Variants in CSF2RA observed in about 807,000 individuals in gnomAD.
The protein encoded by CSF2RA is colony stimulating factor 2 receptor subunit alpha, also known as granulocyte-macrophage colony-stimulating factor receptor subunit alpha.
In CSF2RA, 42 loss-of-function variants were observed where a neutral mutation model predicts 51.6. The ratio of observed to expected loss-of-function variants is 0.81; its 90% confidence interval spans 0.64 to 1.05. The LOEUF is 1.05. Among genes scored for constraint, CSF2RA ranks in the 50% least tolerant of loss-of-function variants. The pLI, the probability that CSF2RA is intolerant of heterozygous loss-of-function variation, is 0.00. For synonymous variants in CSF2RA, 222 were observed against 193.0 expected, an observed-to-expected ratio of 1.15 and a Z score of -1.24; for missense variants, 530 against 501.1, an observed-to-expected ratio of 1.06 and a Z score of -0.55.
At chrX:1,285,726 A>T in intron 3 of CSF2RA, 52 bp from the exon 4 acceptor site, 1 of 999,350 alleles carries the variant, frequency 1.0e-6, no homozygotes, top group Non-Finnish European at 1.4e-6. Flanking sequence ...AAAAAAAAAA[A>T]AAAAAGGAAA....
At chrX:1,314,984 GCACTGCA>G (rs2084505385), downstream of CSF2RA, among the ~76,000 whole-genome samples, 5 of 38,906 alleles carry the variant, frequency 1.3e-4, no homozygotes, top group African/African-American at 4.1e-4. Context: ...CTGCCCAATC[GCACTGCA>G]CCTGCCCAAC....
At chrX:1,301,152 C>A (rs28416644) in intron 10 of CSF2RA, among the ~76,000 whole-genome samples, 26 of 129,364 alleles carry the variant, frequency 2.0e-4, no homozygotes, top group Non-Finnish European at 2.3e-4. Context: ...GACTCCGTCT[C>A]AAAAAAAAAA....
chrX:1,286,293 G>C (rs1406118370), intron 4 of CSF2RA, among the ~76,000 whole-genome samples: 1 of 149,702 alleles, frequency 6.7e-6, no homozygotes, highest in East Asian at 2.0e-4. Flanking sequence ...ATAAGGCCGG[G>C]TGTGGTGGCT....
At chrX:1,271,135 C>T (rs186152935) in intron 1 of CSF2RA, among the ~76,000 whole-genome samples, 3 of 151,994 alleles carry the variant, frequency 2.0e-5, no homozygotes, top group Non-Finnish European at 2.9e-5. Flanking sequence ...GCTTGTTGCG[C>T]GTTTTATAGG....
chrX:1,281,462 CCTCCTTCTCCTCCTG>C (rs1274878524), intron 2 of CSF2RA, among the ~76,000 whole-genome samples: 5 of 143,332 alleles, frequency 3.5e-5, no homozygotes, highest in East Asian at 4.3e-4. Flanking sequence ...TTCTCCTCCT[CCTCCTTCTCCTCCTG>C]CTCCTTCTCC....
intron 9 of CSF2RA, among the ~76,000 whole-genome samples, chrX:1,296,224 G>A (rs755765603): frequency 6.9e-6 from 1 of 145,512 alleles, no homozygotes; most frequent in Admixed American, 6.9e-5. Flanking sequence ...ACCTCTGGCG[G>A]AACCCTACAC....
At chrX:1,322,656 G>C in the CSF2RA span, among the ~76,000 whole-genome samples, 2 of 151,660 alleles carry the variant, frequency 1.3e-5, no homozygotes, top group Admixed American at 1.3e-4. Context: ...CCCTGGCTCA[G>C]CTACTCAACA....
chrX:1,287,736 G>C (rs1172712423), intron 4 of CSF2RA, among the ~76,000 whole-genome samples: 1 of 113,456 alleles, frequency 8.8e-6, no homozygotes. Flanking sequence ...GAGCCACTAT[G>C]TCCGACCCTT....
At chrX:1,314,889 A>C (rs75837488), downstream of CSF2RA, among the ~76,000 whole-genome samples, 862 of 16,974 alleles carry the variant, frequency 0.051, 85 homozygotes, top group African/African-American at 0.14. Flanking sequence ...CTGCCCAACC[A>C]CACTGAACCT....
chrX:1,294,581 G>C, intron 8 of CSF2RA, 120 bp downstream of exon 8: 1 of 1,341,596 alleles, frequency 7.5e-7, no homozygotes, highest in Admixed American at 1.9e-5. Context: ...GGTGAGCGGT[G>C]ACTCTGGGGT....
intron 9 of CSF2RA, among the ~76,000 whole-genome samples, chrX:1,298,973 C>T (rs1399793324): frequency 6.6e-6 from 1 of 152,132 alleles, no homozygotes; most frequent in African/African-American, 2.4e-5. Context: ...TCTCCACGAA[C>T]CCTACAGTCT....
chrX:1,293,561 G>A (rs754922861), intron 7 of CSF2RA, among the ~76,000 whole-genome samples: 4 of 152,322 alleles, frequency 2.6e-5, no homozygotes, highest in African/African-American at 9.6e-5. Context: ...TAGACAAAGA[G>A]GTGTCCCTAC....
chrX:1,290,418 A>T lies in CSF2RA; in HGVS notation c.555A>T (p.Gly185=), dbSNP rs779244024. 1 of 1,613,828 alleles carries T rather than the reference A, an allele frequency of 6.2e-7. No individual in the cohort carries two copies. Among genetic ancestry groups the T allele is most frequent in the South Asian group, 1.1e-5 (1 of 91,070 alleles). The change falls in exon 7 of 13, where the codon GGA becomes GGT. Residue 185 remains glycine (G), a synonymous_variant. Transcript: ENST00000381529. Reference sequence around the variant, plus strand: ...GATGTCACCTGGATAACCTGTCAGGATTAACGTCTCGCAATTACTTTCTGG... The same window carrying T: ...GATGTCACCTGGATAACCTGTCAGGTTTAACGTCTCGCAATTACTTTCTGG... ...HVGCHLDNLS[G]LTSRNYFLVN...
At chrX:1,274,195 T>A (rs1569489458) in intron 1 of CSF2RA, among the ~76,000 whole-genome samples, 1 of 152,046 alleles carries the variant, frequency 6.6e-6, no homozygotes, top group African/African-American at 2.4e-5. Flanking sequence ...CTGAGACAGG[T>A]CTCAGTCCAT....
At chrX:1,312,670 G>A (rs751021656), downstream of CSF2RA, among the ~76,000 whole-genome samples, 7 of 152,240 alleles carry the variant, frequency 4.6e-5, no homozygotes, top group African/African-American at 1.4e-4. Context: ...CTGACAGGTG[G>A]TCTAGGGCCT....
chrX:1,322,300 G>A, the CSF2RA span, among the ~76,000 whole-genome samples: 1 of 149,208 alleles, frequency 6.7e-6, no homozygotes, highest in Non-Finnish European at 1.5e-5. Context: ...TTTTAGTAGA[G>A]ACGGACTTTC....
Position 1,303,852 on chromosome X carries a change from G to C in CSF2RA, c.947-71G>C, listed in dbSNP as rs767183766. The C allele has an allele frequency of 7.5e-5, 99 of 1,315,606 alleles. No individual in the cohort carries two copies. The African/African-American group carries it at 1.4e-3, about 18-fold the overall frequency. 81.5% of individuals were successfully genotyped at this position (1,315,606 alleles called of 1,614,324 possible). On this transcript the variant is annotated intron_variant, in intron 10 of 12. Coordinates refer to ENST00000381529, the MANE Select transcript of CSF2RA (RefSeq NM_172245.4). ...TTTGGCTAAATGCATTTGGACACCC[G>C]AAGAGATTTAATTTCCTTTCACATG... is the stretch of plus-strand genomic sequence containing the variant.
chrX:1,274,322 G>A (rs2088849822), intron 1 of CSF2RA, among the ~76,000 whole-genome samples: 1 of 151,456 alleles, frequency 6.6e-6, no homozygotes, highest in Non-Finnish European at 1.5e-5. Context: ...CATTTTTTTG[G>A]CGGGGAGGGA....
In CSF2RA at chrX:1,302,970, C is replaced by G. The variant is rs776564792; in HGVS notation, c.947-953C>G. 22 of 248,868 alleles carry G rather than the reference C, an allele frequency of 8.8e-5. No individual in the cohort carries two copies. In the East Asian group the frequency reaches 1.1e-3, roughly 13 times the overall value. 15.4% of individuals were successfully genotyped at this position (248,868 alleles called of 1,614,324 possible). A position where few individuals can be genotyped will look rare whatever the true frequency, so the allele number is the denominator to read the frequency against. ...CACTGCAACCTCCGCCTCCCGGGTT[C>G]AAGCGATTCTCCTGCCTCAGCCTCC... On this transcript the variant is annotated intron_variant, in intron 10 of 12. Transcript: ENST00000381529.
Sources: gnomAD v4.1 joint callset for allele counts (sites outside exome capture counted in the v4.1 genomes callset) on GRCh38, gnomAD v4.1.1 for gene constraint, MANE v1.5 for transcripts, NCBI Gene and HGNC (gene_info 2026-07-23, HGNC 2026-07-21) for gene names.